SUPT3H: variants seen among roughly 807,000 people sequenced by gnomAD.
SUPT3H encodes SPT3 homolog, SAGA and STAGA complex component.
SUPT3H carries 44 observed loss-of-function variants against 44.3 expected under a neutral mutation model. That is an observed-to-expected ratio of 0.99 (90% CI 0.78 to 1.28). The LOEUF (loss-of-function observed/expected upper bound fraction) is 1.28, where lower values mean the gene tolerates loss of function less well. Among genes scored for constraint, SUPT3H ranks in the 50% most tolerant of loss-of-function variants. The pLI is 0.00. For synonymous variants in SUPT3H, 124 were observed against 125.6 expected (o/e 0.99, Z 0.09); for missense variants, 380 against 387.1 (o/e 0.98, Z 0.15).
intron 10 of SUPT3H, 22 bp downstream of exon 10, chr6:44,932,631 T>C (rs758903389): frequency 6.5e-7 from 1 of 1,530,436 alleles, no homozygotes. Context: ...ATATAACTTT[T>C]TATAACTCTG....
chr6:44,905,151 G>A (rs1464943878), intron 10 of SUPT3H, among the ~76,000 whole-genome samples: 33 of 151,968 alleles, frequency 2.2e-4, no homozygotes, highest in South Asian at 1.9e-3. Flanking sequence ...AATGGCAACA[G>A]AAGCCAAAAT....
At chr6:45,347,902 G>T (rs973809293) in intron 2 of SUPT3H, among the ~76,000 whole-genome samples, 3 of 152,030 alleles carry the variant, frequency 2.0e-5, no homozygotes, top group African/African-American at 7.2e-5. Context: ...TGTCAGTATG[G>T]TTACCTGTGA....
chr6:44,822,219 A>G (rs960360046), downstream of SUPT3H, among the ~76,000 whole-genome samples: 2 of 152,176 alleles, frequency 1.3e-5, no homozygotes, highest in African/African-American at 4.8e-5. Context: ...CTTGATTTTC[A>G]TAGGTGCCAA....
chr6:45,011,627 T>C, intron 5 of SUPT3H, among the ~76,000 whole-genome samples: 1 of 152,126 alleles, frequency 6.6e-6, no homozygotes, highest in East Asian at 1.9e-4. Context: ...CATAGTGTTT[T>C]ATATAGCTGC....
intron 2 of SUPT3H, among the ~76,000 whole-genome samples, chr6:45,268,037 T>C (rs990322134): frequency 1.3e-5 from 2 of 152,174 alleles, no homozygotes; most frequent in African/African-American, 4.8e-5. Context: ...ATCAACAGTA[T>C]ACAACAATAT....
At chr6:45,217,168 T>C (rs1765198024) in intron 2 of SUPT3H, among the ~76,000 whole-genome samples, 1 of 151,860 alleles carries the variant, frequency 6.6e-6, no homozygotes, top group South Asian at 2.1e-4. Flanking sequence ...ATAAAGTTTC[T>C]ACATTTCCTT....
At chr6:45,170,547 C>T (rs1422663087) in intron 2 of SUPT3H, among the ~76,000 whole-genome samples, 1 of 152,148 alleles carries the variant, frequency 6.6e-6, no homozygotes, top group African/African-American at 2.4e-5. Context: ...GAATTAAAGC[C>T]CATCTGTGTA....
intron 2 of SUPT3H, among the ~76,000 whole-genome samples, chr6:45,148,602 C>T (rs143451728): frequency 2.0e-5 from 3 of 152,198 alleles, no homozygotes; most frequent in Admixed American, 2.0e-4. Flanking sequence ...GTGACTGATA[C>T]CTATTCAGAT....
At chr6:45,291,160 T>C (rs1405864650) in intron 2 of SUPT3H, among the ~76,000 whole-genome samples, 3 of 152,160 alleles carry the variant, frequency 2.0e-5, no homozygotes, top group African/African-American at 7.2e-5. Context: ...GCCCAGAGCC[T>C]GGTAGACTTG....
chr6:44,879,957 C>A (rs1057508035), intron 10 of SUPT3H, among the ~76,000 whole-genome samples: 7 of 152,106 alleles, frequency 4.6e-5, no homozygotes, highest in Admixed American at 2.0e-4. Flanking sequence ...GTAAATAAAT[C>A]CACGAAGATG....
intron 2 of SUPT3H, among the ~76,000 whole-genome samples, chr6:45,108,661 G>C (rs1799628466): frequency 6.6e-6 from 1 of 152,146 alleles, no homozygotes; most frequent in African/African-American, 2.4e-5. Context: ...TAAACCTTTA[G>C]TAAGCTAGCA....
intron 2 of SUPT3H, among the ~76,000 whole-genome samples, chr6:45,332,250 G>A (rs1356692894): frequency 1.3e-5 from 2 of 151,030 alleles, no homozygotes; most frequent in African/African-American, 2.4e-5. Context: ...CCCTCCCCCC[G>A]ATTCAAGAGC....
intron 2 of SUPT3H, among the ~76,000 whole-genome samples, chr6:45,347,635 G>C (rs1791150583): frequency 6.6e-6 from 1 of 151,998 alleles, no homozygotes; most frequent in Non-Finnish European, 1.5e-5. Flanking sequence ...AAGGGAATAT[G>C]CACATGACAG....
At chr6:45,170,280 A>C (rs1188718458) in intron 2 of SUPT3H, among the ~76,000 whole-genome samples, 1 of 152,220 alleles carries the variant, frequency 6.6e-6, no homozygotes, top group African/African-American at 2.4e-5. Context: ...CACTGGCTGC[A>C]AATGAGTCTT....
chr6:45,054,194 CT>C (rs995107445), intron 3 of SUPT3H, among the ~76,000 whole-genome samples: 6 of 151,980 alleles, frequency 3.9e-5, no homozygotes, highest in African/African-American at 1.2e-4. Flanking sequence ...CTTCTCCCCC[CT>C]GTAAGCTGTA....
intron 2 of SUPT3H, among the ~76,000 whole-genome samples, chr6:45,286,076 A>T (rs574147151): frequency 7.4e-5 from 11 of 149,288 alleles, no homozygotes; most frequent in African/African-American, 2.5e-4. Context: ...CCTTCCTTAC[A>T]CCTTATACAA....
At position 45,177,724 on chromosome 6, in the gene SUPT3H, G is replaced by T. The variant is rs183609169; in HGVS notation, c.102-71718C>A. 3.3e-3 allele frequency among the ~76,000 whole-genome samples: 508 copies of T among 152,050 alleles called. 11 individuals carry two copies. The highest frequency in any genetic ancestry group is 0.027 in the Admixed American group (417 of 15,262). On this transcript the variant is annotated intron_variant, in intron 2 of 10. Transcript: ENST00000371459. ...CATCAGACTAACAGCTGATCTCTCA[G>T]CAGAAACTCTACAAGCCAGAAGAGA... is the stretch of plus-strand genomic sequence containing the variant.
At chr6:45,212,562 C>G (rs1764309984) in intron 2 of SUPT3H, among the ~76,000 whole-genome samples, 1 of 140,730 alleles carries the variant, frequency 7.1e-6, no homozygotes, top group Non-Finnish European at 1.5e-5. Flanking sequence ...GACTCTACTA[C>G]TCACTAGGTC....
At chr6:44,856,017 T>C (rs1773660433) in intron 10 of SUPT3H, among the ~76,000 whole-genome samples, 1 of 152,200 alleles carries the variant, frequency 6.6e-6, no homozygotes. Flanking sequence ...CGGTCCTCTT[T>C]TATTGTACCT....
Sources: allele counts gnomAD v4.1 joint callset (sites outside exome capture counted in the v4.1 genomes callset), GRCh38; gene constraint gnomAD v4.1.1; transcripts MANE v1.5; gene names NCBI Gene and HGNC (gene_info 2026-07-23, HGNC 2026-07-21).